The following TRIO variants were observed in gnomAD, a reference collection of about 807,000 sequenced individuals.
TRIO encodes trio Rho guanine nucleotide exchange factor.
A neutral mutation model predicts 351.9 loss-of-function variants in TRIO; 58 were observed. The observed-to-expected ratio is 0.16, with a 90% confidence interval of 0.13 to 0.21. The LOEUF (loss-of-function observed/expected upper bound fraction) is 0.21. Ranked by LOEUF, TRIO falls within the 10% of genes least tolerant of loss-of-function variation. The pLI, the probability that TRIO is intolerant of heterozygous loss-of-function variation, is 1.00. For synonymous variants in TRIO, 1,758 were observed against 1,595.7 expected (o/e 1.10, Z -2.42); for missense variants, 3,201 against 4,027.8 (o/e 0.79, Z 5.56).
chr5:14,144,978 G>A (rs1025392936), intron 1 of TRIO, among the ~76,000 whole-genome samples: 1 of 152,254 alleles, frequency 6.6e-6, no homozygotes, highest in East Asian at 1.9e-4. Flanking sequence ...ACGGGGCAGG[G>A]AGGATGCAGA....
chr5:14,451,977 A>G (rs913812887), intron 34 of TRIO, among the ~76,000 whole-genome samples: 3 of 152,260 alleles, frequency 2.0e-5, no homozygotes, highest in Admixed American at 6.5e-5. Context: ...AGAATTTGCA[A>G]TGCAAGACAG....
intron 1 of TRIO, among the ~76,000 whole-genome samples, chr5:14,177,943 C>T (rs1247309186): frequency 6.6e-6 from 1 of 152,218 alleles, no homozygotes; most frequent in Non-Finnish European, 1.5e-5. Flanking sequence ...ATTTTATCAA[C>T]ATTGTCTACT....
intron 1 of TRIO, among the ~76,000 whole-genome samples, chr5:14,244,246 C>A (rs1050450426): frequency 6.6e-6 from 1 of 152,048 alleles, no homozygotes; most frequent in African/African-American, 2.4e-5. Flanking sequence ...TTTGAAGTTG[C>A]CAGTTTCGGG....
chr5:14,472,685 T>C (rs139670149), intron 39 of TRIO, 27 bp downstream of exon 39: 5 of 1,611,660 alleles, frequency 3.1e-6, no homozygotes, highest in Non-Finnish European at 4.2e-6. Flanking sequence ...ATTTAGTATC[T>C]TCGTATCAGT....
At position 14,389,385 on chromosome 5, in the gene TRIO, G is replaced by A. The variant is rs1160204718; in HGVS notation, c.4045G>A (p.Glu1349Lys). 1 of 1,609,630 alleles carries A rather than the reference G, an allele frequency of 6.2e-7. No homozygotes were observed. The highest frequency in any genetic ancestry group is 8.5e-7 in the Non-Finnish European group (1 of 1,178,176). ...CTTCGGAAACATGCAAGAAATCTACGAATTTCATAATAAGTGAGTGGCTTT... is the reference window on the plus strand; with the variant it reads ...CTTCGGAAACATGCAAGAAATCTACAAATTTCATAATAAGTGAGTGGCTTT... ...IIFGNMQEIY[E>K]FHNNIFLKEL... Residue 1349 changes from glutamate to lysine, a missense_variant, in exon 25 of 57, where the codon GAA becomes AAA. Around this residue, in one of 19 missense-constraint regions of TRIO, gnomAD observed 115 missense variants for 239.6 expected, o/e 0.48. Coordinates refer to ENST00000344204, the MANE Select transcript of TRIO (RefSeq NM_007118.4).
intron 37 of TRIO, chr5:14,465,997 G>T (rs1754227169): frequency 3.6e-6 from 1 of 280,588 alleles, no homozygotes; most frequent in Non-Finnish European, 7.1e-6. Flanking sequence ...GCTCACCCGA[G>T]CCTTGGTGTT....
At chr5:14,156,141 CT>C (rs150091050) in intron 1 of TRIO, among the ~76,000 whole-genome samples, 3,849 of 152,224 alleles carry the variant, frequency 0.025, 181 homozygotes, top group African/African-American at 0.089. Context: ...GTGGGAGCCC[CT>C]TCATCCTGGC....
chr5:14,361,974 C>T (rs1037575864), intron 13 of TRIO, among the ~76,000 whole-genome samples: 4 of 152,090 alleles, frequency 2.6e-5, no homozygotes, highest in Admixed American at 1.3e-4. Flanking sequence ...AAAAATTAGG[C>T]GTGGTGGCGT....
At position 14,420,303 on chromosome 5, in the gene TRIO, C is replaced by T. The variant is rs576104817; in HGVS notation, c.5203+282C>T. On this transcript the variant is annotated intron_variant, in intron 34 of 56. Transcript: ENST00000344204. ...AGAAGAACACTGATTTTGGAACATT[C>T]CAGTTGCTTCCTTCCTTTATCATCT... 56 of 386,004 alleles carry T rather than the reference C, an allele frequency of 1.5e-4. 2 individuals carry two copies. The South Asian group carries it at 1.6e-3, about 11-fold the overall frequency. 23.9% of individuals were successfully genotyped at this position (386,004 alleles called of 1,614,324 possible). A position where few individuals can be genotyped will look rare whatever the true frequency, so the allele number is the denominator to read the frequency against.
chr5:14,232,413 A>G (rs896191737), intron 1 of TRIO, among the ~76,000 whole-genome samples: 3 of 152,154 alleles, frequency 2.0e-5, no homozygotes, highest in Non-Finnish European at 2.9e-5. Context: ...CCCCTGCACC[A>G]GCTTACAGCA....
intron 3 of TRIO, among the ~76,000 whole-genome samples, chr5:14,281,424 A>ACCCCCCCCCCCCCCCCCCCCCCC (rs3061076): frequency 3.4e-5 from 3 of 89,334 alleles, no homozygotes; most frequent in African/African-American, 4.7e-5. Flanking sequence ...AGCCGTTAGA[A>ACCCCCCCCCCCCCCCCCCCCCCC]CCCCCCCCCC....
Position 14,498,552 on chromosome 5 carries a change from C to T in TRIO, c.8244C>T (p.Gly2748=), listed in dbSNP as rs571477045. ...GAGAGGCCACGCTGAAGATTGTGGG[C>T]GTGACCACGGAAGATGACGGCATCT... ...DLGEATLKIV[G]VTTEDDGIYT... Residue 2748 remains glycine, a synonymous_variant, in exon 53 of 57, where the codon GGC becomes GGT. Coordinates refer to ENST00000344204, the MANE Select transcript of TRIO (RefSeq NM_007118.4). 131 of 1,613,718 alleles carry T rather than the reference C, an allele frequency of 8.1e-5. 1 individual carries two copies. The highest frequency in any genetic ancestry group is 9.3e-5 in the Non-Finnish European group (110 of 1,179,848).
At chr5:14,389,250 T>A in intron 24 of TRIO, 39 bp from the exon 25 acceptor site, 1 of 1,471,930 alleles carries the variant, frequency 6.8e-7, no homozygotes, top group African/African-American at 1.4e-5. Context: ...GAAAATATGG[T>A]GATTATTTTT....
chr5:14,443,354 A>G (rs1050721897), intron 34 of TRIO, among the ~76,000 whole-genome samples: 5 of 152,186 alleles, frequency 3.3e-5, no homozygotes, highest in Non-Finnish European at 7.3e-5. Context: ...GTGCCTGCCC[A>G]TCCTTTTCTA....
chr5:14,251,851 C>G (rs910974323), intron 1 of TRIO, among the ~76,000 whole-genome samples: 1 of 151,910 alleles, frequency 6.6e-6, no homozygotes, highest in African/African-American at 2.4e-5. Flanking sequence ...AAGACTGCAT[C>G]TGTTTTCTCT....
intron 8 of TRIO, 145 bp downstream of exon 8, chr5:14,304,737 G>GA: frequency 1.0e-6 from 1 of 968,504 alleles, no homozygotes; most frequent in Non-Finnish European, 1.5e-6. Flanking sequence ...TTTAGCATTT[G>GA]AACCCCTGTG....
intron 1 of TRIO, among the ~76,000 whole-genome samples, chr5:14,248,076 A>AG (rs1381063859): frequency 6.6e-6 from 1 of 151,806 alleles, no homozygotes; most frequent in Non-Finnish European, 1.5e-5. Context: ...AAAAAAAAAA[A>AG]AAAAAGAAAA....
At chr5:14,393,317 A>G (rs1258597917) in intron 27 of TRIO, among the ~76,000 whole-genome samples, 1 of 152,130 alleles carries the variant, frequency 6.6e-6, no homozygotes, top group African/African-American at 2.4e-5. Context: ...GGGTGCAGCA[A>G]ACCACCATGG....
At chr5:14,187,264 A>G (rs918957823) in intron 1 of TRIO, among the ~76,000 whole-genome samples, 20 of 152,262 alleles carry the variant, frequency 1.3e-4, no homozygotes, top group Non-Finnish European at 1.5e-4. Flanking sequence ...AACAAGGACT[A>G]CAGATCTAAT....
Sources: gnomAD v4.1 joint callset for allele counts (sites outside exome capture counted in the v4.1 genomes callset) on GRCh38, gnomAD v4.1.1 for gene constraint, gnomAD v4.1.1 regional missense constraint, MANE v1.5 for transcripts, NCBI Gene and HGNC (gene_info 2026-07-23, HGNC 2026-07-21) for gene names.